Variants in GOLM2 observed in about 807,000 individuals in gnomAD.
GOLM2 encodes the protein golgi membrane protein 2, also known as protein GOLM2.
Under a neutral mutation model 55.9 loss-of-function variants are expected in GOLM2, and 26 were observed. That is an observed-to-expected ratio of 0.47 (90% CI 0.34 to 0.65). The LOEUF (loss-of-function observed/expected upper bound fraction) is 0.65, where lower values mean the gene tolerates loss of function less well. Among genes scored for constraint, GOLM2 ranks in the 30% least tolerant of loss-of-function variants. The pLI is 0.01. For missense variants in GOLM2, 486 were observed against 531.8 expected (o/e 0.91, Z 0.85); for synonymous variants, 165 against 194.6 (o/e 0.85, Z 1.27).
chr15:44,327,464 G>T (rs528848508), intron 2 of GOLM2, among the ~76,000 whole-genome samples: 1 of 151,944 alleles, frequency 6.6e-6, no homozygotes, highest in Non-Finnish European at 1.5e-5. Context: ...AGTATTTTTG[G>T]AGTGCTTTTA....
chr15:44,400,458 C>G (rs1410011772), intron 8 of GOLM2, among the ~76,000 whole-genome samples: 1 of 150,862 alleles, frequency 6.6e-6, no homozygotes, highest in African/African-American at 2.4e-5. Flanking sequence ...AGCTGGATTA[C>G]AGGCATGCGC....
intron 2 of GOLM2, among the ~76,000 whole-genome samples, chr15:44,324,688 G>C (rs539555379): frequency 1.3e-5 from 2 of 151,950 alleles, no homozygotes; most frequent in African/African-American, 4.8e-5. Context: ...ATTTTGATTA[G>C]CTTACCTTGT....
At chr15:44,411,962 T>A (rs1056994115) in intron 9 of GOLM2, among the ~76,000 whole-genome samples, 2 of 152,062 alleles carry the variant, frequency 1.3e-5, no homozygotes, top group East Asian at 3.9e-4. Context: ...AGCCCAGGAG[T>A]TCCAGACTAG....
chr15:44,409,087 C>G (rs2079617099), intron 9 of GOLM2, among the ~76,000 whole-genome samples: 1 of 151,776 alleles, frequency 6.6e-6, no homozygotes, highest in Admixed American at 6.6e-5. Flanking sequence ...ACCATCTTGG[C>G]TAACAAGGTG....
chr15:44,368,834 CT>C (rs913164059), intron 6 of GOLM2, among the ~76,000 whole-genome samples: 57 of 150,142 alleles, frequency 3.8e-4, no homozygotes, highest in African/African-American at 1.3e-3. Context: ...CTGTTGATTC[CT>C]TTTTTTCTTG....
At chr15:44,359,500 A>G (rs1400273588) in intron 6 of GOLM2, among the ~76,000 whole-genome samples, 2 of 152,078 alleles carry the variant, frequency 1.3e-5, no homozygotes, top group East Asian at 3.9e-4. Flanking sequence ...AGGCAGGAGA[A>G]TGGGTTGAAC....
intron 8 of GOLM2, among the ~76,000 whole-genome samples, chr15:44,397,335 C>G (rs189045278): frequency 0.014 from 2,130 of 151,832 alleles, 54 homozygotes; most frequent in East Asian, 0.094. Flanking sequence ...AAAAATTAGC[C>G]GGGCTTGGTG....
rs893569572 is a variant in GOLM2, at chr15:44,314,961, C to T, written c.328-8004C>T. On this transcript the variant is annotated intron_variant, in intron 1 of 9. Transcript: ENST00000299957. The stretch of plus-strand genomic sequence containing the variant: ...GGCACAAAAATAATCATTTAATACC[C>T]GCTTGTTATTATTAATGCTATTCCA... Among the ~76,000 whole-genome samples the T allele has an allele frequency of 3.9e-5, 6 of 152,124 alleles. No homozygotes were observed. In the East Asian group the frequency reaches 5.8e-4, roughly 15 times the overall value.
chr15:44,316,339 T>G (rs1010988654), intron 1 of GOLM2, among the ~76,000 whole-genome samples: 4 of 151,330 alleles, frequency 2.6e-5, no homozygotes, highest in African/African-American at 9.7e-5. Context: ...CTAAAAAAAA[T>G]GAAAAAACAG....
At chr15:44,353,659 G>C (rs1249758414) in intron 6 of GOLM2, among the ~76,000 whole-genome samples, 1 of 152,130 alleles carries the variant, frequency 6.6e-6, no homozygotes, top group East Asian at 1.9e-4. Context: ...ATTATGTTAG[G>C]TGAAATAAGC....
At chr15:44,363,488 A>T (rs1041326972) in intron 6 of GOLM2, among the ~76,000 whole-genome samples, 10 of 152,222 alleles carry the variant, frequency 6.6e-5, no homozygotes, top group African/African-American at 9.7e-5. Flanking sequence ...TCAAAACCAC[A>T]ATGAGATATC....
At chr15:44,308,797 C>G (rs1191901165) in intron 1 of GOLM2, among the ~76,000 whole-genome samples, 3 of 151,994 alleles carry the variant, frequency 2.0e-5, no homozygotes, top group Non-Finnish European at 4.4e-5. Flanking sequence ...GGGATTACAT[C>G]AAATTGAAAA....
intron 6 of GOLM2, among the ~76,000 whole-genome samples, chr15:44,353,756 A>G (rs1001963229): frequency 1.3e-5 from 2 of 152,162 alleles, no homozygotes; most frequent in African/African-American, 4.8e-5. Context: ...GGGAATAGAG[A>G]GTAGAATAAT....
At chr15:44,413,019 C>G in intron 9 of GOLM2, among the ~76,000 whole-genome samples, 1 of 151,358 alleles carries the variant, frequency 6.6e-6, no homozygotes, top group East Asian at 1.9e-4. Flanking sequence ...AAAAAAAAGA[C>G]TACATTTATA....
intron 1 of GOLM2, among the ~76,000 whole-genome samples, chr15:44,295,917 T>TACACACACACACACACACACACACACAC (rs71421830): frequency 5.6e-5 from 8 of 143,060 alleles, no homozygotes; most frequent in African/African-American, 2.1e-4. Context: ...CCACCACACA[T>TACACACACACACACACACACACACACAC]ACACACACAC....
chr15:44,376,535 AC>A (rs1236346831), intron 6 of GOLM2, among the ~76,000 whole-genome samples: 2 of 152,218 alleles, frequency 1.3e-5, no homozygotes, highest in African/African-American at 4.8e-5. Flanking sequence ...GACATGAGAC[AC>A]TGTGCTCAAT....
At chr15:44,351,145 G>C (rs973161457) in intron 6 of GOLM2, among the ~76,000 whole-genome samples, 1 of 151,856 alleles carries the variant, frequency 6.6e-6, no homozygotes, top group African/African-American at 2.4e-5. Flanking sequence ...TACTAGTACT[G>C]GAAGACCTAG....
chr15:44,368,205 T>C lies in GOLM2; in HGVS notation c.803-11485T>C, dbSNP rs578091290. On this transcript the variant is annotated intron_variant, in intron 6 of 9. Coordinates refer to ENST00000299957, the MANE Select transcript of GOLM2 (RefSeq NM_138423.4). Reference sequence around the variant, plus strand: ...CAGGCTGGAGTGCAGTGGCATGATATCGGCTCATTGCAACCTTCACCTCCC... The same window carrying C: ...CAGGCTGGAGTGCAGTGGCATGATACCGGCTCATTGCAACCTTCACCTCCC... Among the ~76,000 whole-genome samples the C allele has an allele frequency of 2.0e-4, 30 of 152,056 alleles. No homozygotes were observed. In the South Asian group the frequency reaches 6.0e-3, roughly 31 times the overall value.
At chr15:44,385,725 AT>A (rs2079439859) in intron 8 of GOLM2, among the ~76,000 whole-genome samples, 1 of 151,672 alleles carries the variant, frequency 6.6e-6, no homozygotes, top group Non-Finnish European at 1.5e-5. Context: ...GTATGTATTT[AT>A]TTTTTAGCTT....
Sources: gnomAD v4.1 joint callset for allele counts (sites outside exome capture counted in the v4.1 genomes callset) on GRCh38, gnomAD v4.1.1 for gene constraint, MANE v1.5 for transcripts, NCBI Gene and HGNC (gene_info 2026-07-23, HGNC 2026-07-21) for gene names.